The following STAU2 variants were observed in gnomAD, a reference collection of about 807,000 sequenced individuals.
STAU2 encodes the protein staufen double-stranded RNA binding protein 2.
A neutral mutation model predicts 65.9 loss-of-function variants in STAU2; 20 were observed. The observed-to-expected ratio is 0.30, with a 90% CI of 0.21 to 0.44. The LOEUF (loss-of-function observed/expected upper bound fraction) is 0.44. Ranked by LOEUF, STAU2 falls within the 20% of genes least tolerant of loss-of-function variation. The pLI is 1.00. For synonymous variants in STAU2, 232 were observed against 233.9 expected, an observed-to-expected ratio of 0.99 and a Z score of 0.07; for missense variants, 558 against 683.9, an observed-to-expected ratio of 0.82 and a Z score of 2.05.
At chr8:73,517,295 T>C (rs1231825170) in intron 13 of STAU2, among the ~76,000 whole-genome samples, 1 of 151,956 alleles carries the variant, frequency 6.6e-6, no homozygotes, top group Admixed American at 6.6e-5. Context: ...TGTGCTGGCG[T>C]GTGTCTGTAG....
chr8:73,708,659 A>C (rs554198786), intron 4 of STAU2, among the ~76,000 whole-genome samples: 87 of 152,162 alleles, frequency 5.7e-4, no homozygotes, highest in Non-Finnish European at 8.4e-4. Flanking sequence ...GCTGTGATTT[A>C]ATGGAAAGCA....
chr8:73,433,510 T>C (rs1284235306), intron 13 of STAU2, among the ~76,000 whole-genome samples: 2 of 150,788 alleles, frequency 1.3e-5, no homozygotes, highest in African/African-American at 2.5e-5. Flanking sequence ...CGCCTTTTTT[T>C]TTTTTTTTTT....
At chr8:73,525,315 C>T (rs1259324457) in intron 13 of STAU2, among the ~76,000 whole-genome samples, 14 of 152,176 alleles carry the variant, frequency 9.2e-5, no homozygotes, top group Admixed American at 9.2e-4. Flanking sequence ...CCACTATGTA[C>T]AGTCGTGCAG....
At chr8:73,695,935 C>T (rs531139639) in intron 4 of STAU2, among the ~76,000 whole-genome samples, 2 of 152,264 alleles carry the variant, frequency 1.3e-5, no homozygotes, top group East Asian at 3.9e-4. Flanking sequence ...ACCTGGAACC[C>T]AGGGAAAAAC....
chr8:73,656,768 C>A (rs1188055747), intron 6 of STAU2, among the ~76,000 whole-genome samples: 1 of 152,148 alleles, frequency 6.6e-6, no homozygotes, highest in African/African-American at 2.4e-5. Flanking sequence ...TCAAAATCTG[C>A]CTTTATTTCT....
intron 9 of STAU2, among the ~76,000 whole-genome samples, chr8:73,612,419 T>C (rs1285338114): frequency 1.3e-5 from 2 of 152,222 alleles, no homozygotes; most frequent in Non-Finnish European, 2.9e-5. Context: ...TACTCAGAAC[T>C]GACTCCAAAG....
chr8:73,525,030 CA>C (rs1823269343), intron 13 of STAU2, among the ~76,000 whole-genome samples: 1 of 152,000 alleles, frequency 6.6e-6, no homozygotes. Flanking sequence ...CCCAAATATC[CA>C]AGAACAAGAG....
At chr8:73,656,025 C>T (rs1439666092) in intron 6 of STAU2, among the ~76,000 whole-genome samples, 7 of 151,998 alleles carry the variant, frequency 4.6e-5, no homozygotes, top group African/African-American at 9.7e-5. Context: ...CCTTGTGATC[C>T]GCCCGCCTCA....
rs577586124 is a variant in STAU2, at chr8:73,648,500, A to G, written c.410+24607T>C. On this transcript the variant is annotated intron_variant, in intron 6 of 14. Transcript: ENST00000524300. ...TTGGAGAACCACCACGTCTGTGTAT[A>G]AAGAAACTGGCAGTGTTCTACACAC... Among the ~76,000 whole-genome samples, 4 of 152,304 alleles carry G rather than the reference A, an allele frequency of 2.6e-5. No homozygotes were observed. In the East Asian group the frequency reaches 7.7e-4, roughly 29 times the overall value.
intron 1 of STAU2, among the ~76,000 whole-genome samples, chr8:73,745,437 G>T (rs77140001): frequency 0.13 from 19,230 of 152,172 alleles, 1,674 homozygotes; most frequent in East Asian, 0.35. Flanking sequence ...GAGAAATGTT[G>T]AAATCTTTTC....
chr8:73,579,994 G>A (rs928716089), intron 12 of STAU2, among the ~76,000 whole-genome samples: 7 of 152,132 alleles, frequency 4.6e-5, no homozygotes, highest in African/African-American at 7.2e-5. Context: ...GTACATTAAT[G>A]TTTTTTGTCT....
intron 6 of STAU2, among the ~76,000 whole-genome samples, chr8:73,643,362 G>A (rs1322368257): frequency 4.6e-5 from 7 of 152,272 alleles, no homozygotes; most frequent in Admixed American, 3.9e-4. Context: ...CATACAAGAA[G>A]GAAATCACTT....
chr8:73,639,793 T>A (rs1339163936), intron 6 of STAU2, among the ~76,000 whole-genome samples: 6 of 151,972 alleles, frequency 3.9e-5, no homozygotes, highest in Non-Finnish European at 7.4e-5. Flanking sequence ...AAAGAAAAAA[T>A]TCAACTGCAA....
chr8:73,698,541 C>A (rs986168871), intron 4 of STAU2, among the ~76,000 whole-genome samples: 1 of 152,018 alleles, frequency 6.6e-6, no homozygotes, highest in African/African-American at 2.4e-5. Context: ...AAGACAAAAA[C>A]TGTAAGGAGA....
At chr8:73,682,181 A>T (rs1486865994) in intron 5 of STAU2, among the ~76,000 whole-genome samples, 1 of 152,156 alleles carries the variant, frequency 6.6e-6, no homozygotes, top group Non-Finnish European at 1.5e-5. Flanking sequence ...TGCACATTGT[A>T]TTCATCAACA....
chr8:73,667,373 G>A (rs2130368967), intron 6 of STAU2, among the ~76,000 whole-genome samples: 1 of 152,198 alleles, frequency 6.6e-6, no homozygotes, highest in South Asian at 2.1e-4. Flanking sequence ...GACAATTCAG[G>A]ACATTCAAAT....
intron 12 of STAU2, among the ~76,000 whole-genome samples, chr8:73,575,078 G>A (rs6651325): frequency 0.78 from 115,322 of 148,184 alleles, 45,210 homozygotes; most frequent in Admixed American, 0.83. Flanking sequence ...AGAAAACAGA[G>A]AAGAATTTTC....
intron 5 of STAU2, among the ~76,000 whole-genome samples, chr8:73,676,761 A>G (rs1488184857): frequency 6.6e-6 from 1 of 152,096 alleles, no homozygotes; most frequent in Non-Finnish European, 1.5e-5. Context: ...ACGCCCAGCT[A>G]ATTTTTGTAT....
intron 5 of STAU2, among the ~76,000 whole-genome samples, chr8:73,687,431 A>G (rs191719374): frequency 0.01 from 1,401 of 133,994 alleles, 28 homozygotes; most frequent in African/African-American, 0.038. Context: ...ATATAAATAT[A>G]TATTTATAAT....
Sources: gnomAD v4.1 joint callset for allele counts (sites outside exome capture counted in the v4.1 genomes callset) on GRCh38, gnomAD v4.1.1 for gene constraint, MANE v1.5 for transcripts, NCBI Gene and HGNC (gene_info 2026-07-23, HGNC 2026-07-21) for gene names.